KLHL4: variants seen among roughly 807,000 people sequenced by gnomAD.
KLHL4 encodes the protein kelch-like protein 4.
KLHL4 carries 17 observed loss-of-function variants against 45.8 expected under a neutral mutation model. The ratio of observed to expected loss-of-function variants is 0.37; its 90% CI spans 0.25 to 0.56. The LOEUF (loss-of-function observed/expected upper bound fraction) is 0.56, where lower values mean the gene tolerates loss of function less well. Ranked by LOEUF, KLHL4 falls within the 20% of genes least tolerant of loss-of-function variation. KLHL4 has a pLI of 0.79. For missense variants in KLHL4, 544 were observed against 544.9 expected (o/e 1.00, Z 0.02); for synonymous variants, 224 against 189.9 (o/e 1.18, Z -1.47).
chrX:87,667,136 A>G lies in KLHL4; in HGVS notation c.*602A>G. The G allele has an allele frequency of 4.0e-6, 3 of 753,329 alleles. No homozygotes were observed. The highest frequency in any genetic ancestry group is 1.3e-4 in the South Asian group (2 of 14,843). The allele number at this position is 753,329 out of a possible 1,213,427, so 62.1% of individuals were successfully genotyped here. ...CAAAACTTGTTATGTTGATCGCGGT[A>G]TGTCAAAATTTTTACAGGTTTGCTC... On this transcript the variant is annotated 3_prime_UTR_variant, in exon 11 of 11. Coordinates refer to ENST00000373119, the MANE Select transcript of KLHL4 (RefSeq NM_019117.5).
intron 1 of KLHL4, among the ~76,000 whole-genome samples, chrX:87,527,458 T>A (rs6617394): frequency 3.6e-5 from 4 of 109,697 alleles, no homozygotes; most frequent in African/African-American, 6.7e-5. Context: ...ATGTTAAAAC[T>A]AAGACCTAAG....
intron 1 of KLHL4, among the ~76,000 whole-genome samples, chrX:87,610,727 C>T (rs938152490): frequency 1.8e-5 from 2 of 111,824 alleles, no homozygotes; most frequent in Non-Finnish European, 3.8e-5. Flanking sequence ...GAAATTTCTT[C>T]ACTTTCTTTT....
intron 8 of KLHL4, 101 bp downstream of exon 8, chrX:87,634,012 G>T: frequency 1.6e-6 from 1 of 643,966 alleles, no homozygotes; most frequent in Non-Finnish European, 2.3e-6. Flanking sequence ...AAATAACCTG[G>T]ATGTACTTGT....
chrX:87,523,207 G>A lies in KLHL4; in HGVS notation c.422+4892G>A, dbSNP rs757637026. On this transcript the variant is annotated intron_variant, in intron 1 of 10. Transcript: ENST00000373119. ...ACTTTAAAGACTTTTTTGGAAACTT[G>A]TATGTCTTCTTTCTGACCCTTGCCC... Among the ~76,000 whole-genome samples the A allele has an allele frequency of 5.4e-5, 6 of 111,546 alleles. No individual in the cohort carries two copies. The East Asian group carries it at 1.4e-3, about 26-fold the overall frequency.
chrX:87,548,007 G>T (rs985352743), intron 1 of KLHL4, among the ~76,000 whole-genome samples: 2 of 111,486 alleles, frequency 1.8e-5, no homozygotes, highest in Non-Finnish European at 3.8e-5. Context: ...CCAAGTATAA[G>T]AAGGTTACAG....
intron 1 of KLHL4, among the ~76,000 whole-genome samples, chrX:87,544,552 G>A (rs1164059560): frequency 9.0e-6 from 1 of 111,623 alleles, no homozygotes; most frequent in East Asian, 2.9e-4. Context: ...TATAGTGATG[G>A]TGGCCACAAG....
intron 3 of KLHL4, among the ~76,000 whole-genome samples, chrX:87,615,148 C>G (rs970125141): frequency 9.0e-6 from 1 of 111,105 alleles, no homozygotes; most frequent in East Asian, 2.8e-4. Context: ...AAGCTTACCT[C>G]CTGGCTTTCT....
At chrX:87,576,540 AT>A (rs914117668) in intron 1 of KLHL4, among the ~76,000 whole-genome samples, 5 of 111,939 alleles carry the variant, frequency 4.5e-5, no homozygotes, top group Non-Finnish European at 9.4e-5. Context: ...AAAAACAAAA[AT>A]CTTCAATGAT....
intron 9 of KLHL4, among the ~76,000 whole-genome samples, chrX:87,648,170 G>A (rs866477407): frequency 4.5e-5 from 5 of 110,472 alleles, no homozygotes; most frequent in Non-Finnish European, 9.5e-5. Context: ...TCCCTTTCAA[G>A]ACAGAAAAAC....
chrX:87,542,644 TG>T (rs1342264340), intron 1 of KLHL4, among the ~76,000 whole-genome samples: 1 of 112,526 alleles, frequency 8.9e-6, no homozygotes, highest in Non-Finnish European at 1.9e-5. Context: ...TTCTTCTATT[TG>T]GGATGGGAAC....
intron 1 of KLHL4, among the ~76,000 whole-genome samples, chrX:87,602,676 G>C (rs746322654): frequency 9.0e-6 from 1 of 111,272 alleles, no homozygotes; most frequent in Non-Finnish European, 1.9e-5. Flanking sequence ...ATTGCCTATT[G>C]ATGCGTTTTT....
intron 1 of KLHL4, among the ~76,000 whole-genome samples, chrX:87,553,208 G>A (rs1931874450): frequency 9.0e-6 from 1 of 110,576 alleles, no homozygotes; most frequent in African/African-American, 3.3e-5. Flanking sequence ...GTTTGTGGAG[G>A]ACAGACTTGA....
intron 7 of KLHL4, among the ~76,000 whole-genome samples, chrX:87,633,318 T>C (rs779130763): frequency 8.9e-6 from 1 of 112,166 alleles, no homozygotes; most frequent in Non-Finnish European, 1.9e-5. Flanking sequence ...AATCTTTTTA[T>C]CCCTATATTA....
intron 9 of KLHL4, among the ~76,000 whole-genome samples, chrX:87,651,662 G>A (rs770293263): frequency 1.7e-4 from 19 of 112,628 alleles, no homozygotes; most frequent in African/African-American, 6.1e-4. Context: ...TCACACTGAT[G>A]CAAGAGGTGG....
chrX:87,594,354 T>A (rs1351386320), intron 1 of KLHL4, among the ~76,000 whole-genome samples: 1 of 111,703 alleles, frequency 9.0e-6, no homozygotes, highest in African/African-American at 3.3e-5. Flanking sequence ...GGCCTCAGAG[T>A]GAAGATGAAT....
At chrX:87,574,540 C>T (rs1045328540) in intron 1 of KLHL4, among the ~76,000 whole-genome samples, 3 of 111,556 alleles carry the variant, frequency 2.7e-5, no homozygotes, top group African/African-American at 9.8e-5. Context: ...ATTAGCATGC[C>T]ATAGAATTCA....
chrX:87,668,348 G>C lies in KLHL4; in HGVS notation c.*1814G>C, dbSNP rs773888109. 1.3e-6 allele frequency: 1 copy of C among 752,529 alleles called. No homozygotes were observed. The highest frequency in any genetic ancestry group is 1.5e-4 in the East Asian group (1 of 6,566). The allele number at this position is 752,529 out of a possible 1,213,427, so 62.0% of individuals were successfully genotyped here. A position where few individuals can be genotyped will look rare whatever the true frequency, so the allele number is the denominator to read the frequency against. Reference sequence around the variant, plus strand: ...ACGAGGTGCTACCAATAGGCAGACTGTGTCTAGAGTCATGCATGGACAAGA... The same window carrying C: ...ACGAGGTGCTACCAATAGGCAGACTCTGTCTAGAGTCATGCATGGACAAGA... On this transcript the variant is annotated 3_prime_UTR_variant, in exon 11 of 11. Transcript: ENST00000373119.
chrX:87,627,331 G>A (rs768129842), intron 6 of KLHL4, among the ~76,000 whole-genome samples: 4 of 110,508 alleles, frequency 3.6e-5, no homozygotes, highest in Non-Finnish European at 5.7e-5. Flanking sequence ...TGTGGGTGAC[G>A]GGAAATGAGG....
At position 87,528,706 on chromosome X, in the gene KLHL4, C is replaced by CAA. The variant is rs1160857135; in HGVS notation, c.422+10421_422+10422dup. On this transcript the variant is annotated intron_variant, in intron 1 of 10. Transcript: ENST00000373119. ...ATTCCAGCCTGGTAACAAAGCGAGACAAAAAAAAAAAAAAAAAAAAAAAAA... is the reference window on the plus strand; with the variant it reads ...ATTCCAGCCTGGTAACAAAGCGAGACAAAAAAAAAAAAAAAAAAAAAAAAAAA... Among the ~76,000 whole-genome samples the CAA allele has an allele frequency of 2.9e-3, 90 of 31,494 alleles. 2 individuals are homozygous for CAA. The highest frequency in any genetic ancestry group is 3.9e-3 in the African/African-American group (30 of 7,788). The allele number at this position is 31,494 out of a possible 115,157, so 27.3% of individuals were successfully genotyped here.
Sources: gnomAD v4.1 joint callset for allele counts (sites outside exome capture counted in the v4.1 genomes callset) on GRCh38, gnomAD v4.1.1 for gene constraint, MANE v1.5 for transcripts, NCBI Gene and HGNC (gene_info 2026-07-23, HGNC 2026-07-21) for gene names.